Variants in DNAJC3 observed in about 807,000 individuals in gnomAD.
The protein encoded by DNAJC3 is DnaJ heat shock protein family (Hsp40) member C3, also known as dnaJ homolog subfamily C member 3.
In DNAJC3, 38 loss-of-function variants were observed where a neutral mutation model predicts 68.6. That is an observed-to-expected ratio of 0.55 (90% confidence interval 0.43 to 0.73). The LOEUF (loss-of-function observed/expected upper bound fraction) is 0.73, where lower values mean the gene tolerates loss of function less well. Ranked by LOEUF, DNAJC3 falls within the 30% of genes least tolerant of loss-of-function variation. DNAJC3 has a pLI of 0.00. For synonymous variants in DNAJC3, 203 were observed against 204.0 expected (o/e 1.00, Z 0.04); for missense variants, 526 against 591.9 (o/e 0.89, Z 1.16).
chr13:95,696,924 T>C (rs1400123544), intron 1 of DNAJC3, among the ~76,000 whole-genome samples: 1 of 152,188 alleles, frequency 6.6e-6, no homozygotes. Context: ...TTTTTGAATT[T>C]TTAGTAGAGA....
chr13:95,698,022 C>T (rs1270019743), intron 1 of DNAJC3, among the ~76,000 whole-genome samples: 2 of 151,906 alleles, frequency 1.3e-5, no homozygotes, highest in African/African-American at 4.8e-5. Context: ...TTTCATGGTA[C>T]CTGAATTCTT....
chr13:95,751,884 G>C (rs1882491234), intron 4 of DNAJC3, among the ~76,000 whole-genome samples: 1 of 152,186 alleles, frequency 6.6e-6, no homozygotes, highest in Non-Finnish European at 1.5e-5. Flanking sequence ...AAGAGAGCAT[G>C]TGCAGGTGAA....
At chr13:95,710,340 T>G (rs1880917235) in intron 2 of DNAJC3, among the ~76,000 whole-genome samples, 1 of 151,740 alleles carries the variant, frequency 6.6e-6, no homozygotes, top group Non-Finnish European at 1.5e-5. Context: ...CTCAGCCTCC[T>G]GAATAGCTGG....
intron 4 of DNAJC3, among the ~76,000 whole-genome samples, chr13:95,750,527 T>G (rs2139666526): frequency 6.6e-6 from 1 of 151,636 alleles, no homozygotes; most frequent in Middle Eastern, 3.4e-3. Context: ...TTTTTTTTTT[T>G]GAGATGGAGT....
chr13:95,690,667 AC>A (rs1224591046), intron 1 of DNAJC3, among the ~76,000 whole-genome samples: 1 of 126,484 alleles, frequency 7.9e-6, no homozygotes, highest in South Asian at 2.8e-4. Flanking sequence ...CGGGGGGCTG[AC>A]CCCCCCACCT....
At chr13:95,747,292 T>C (rs1882333383) in intron 4 of DNAJC3, among the ~76,000 whole-genome samples, 1 of 152,198 alleles carries the variant, frequency 6.6e-6, no homozygotes, top group Admixed American at 6.5e-5. Context: ...TTGAGTCCTC[T>C]GGGAACATAT....
intron 9 of DNAJC3, among the ~76,000 whole-genome samples, chr13:95,785,451 C>T (rs1307086070): frequency 7.9e-6 from 1 of 126,060 alleles, no homozygotes; most frequent in Non-Finnish European, 1.6e-5. Flanking sequence ...GCCTTTTAAA[C>T]CTTTTTTTTT....
intron 9 of DNAJC3, among the ~76,000 whole-genome samples, chr13:95,777,450 C>A (rs1883322802): frequency 6.6e-6 from 1 of 152,114 alleles, no homozygotes; most frequent in Non-Finnish European, 1.5e-5. Context: ...CTATTTGTTT[C>A]TTTTTCAGCT....
At chr13:95,765,445 T>A (rs944103797) in intron 9 of DNAJC3, among the ~76,000 whole-genome samples, 28 of 151,526 alleles carry the variant, frequency 1.8e-4, no homozygotes, top group African/African-American at 6.8e-4. Flanking sequence ...TGTAGAATGC[T>A]AAGTGTAATT....
In DNAJC3 at chr13:95,728,957, C is replaced by T. The variant is rs774360823; in HGVS notation, c.393+3705C>T. ...TCATCCCCGCCTCCCACTGACACAC[C>T]CTTTCCAGTCTCTAATGTCTATCAT... On this transcript the variant is annotated intron_variant, in intron 4 of 11. Transcript: ENST00000602402. 2.5e-4 allele frequency among the ~76,000 whole-genome samples: 38 copies of T among 152,000 alleles called. 1 individual carries two copies. In the Middle Eastern group the frequency reaches 0.024, roughly 95 times the overall value.
rs1297102751 is a variant in DNAJC3 at position 95,791,202 on chromosome 13, G to T, written c.*172G>T. On this transcript the variant is annotated 3_prime_UTR_variant, in exon 12 of 12. Coordinates refer to ENST00000602402, the MANE Select transcript of DNAJC3 (RefSeq NM_006260.5). ...TCCCTGTCAGATTTATGGTTAATGG[G>T]TTTGCAACGGCAAGGAGGCAAGGAA... 7.0e-6 allele frequency: 5 copies of T among 718,300 alleles called. No homozygotes were observed. The highest frequency in any genetic ancestry group is 1.9e-5 in the South Asian group (1 of 51,962). The allele number at this position is 718,300 out of a possible 1,614,324, so 44.5% of individuals were successfully genotyped here. A position where few individuals can be genotyped will look rare whatever the true frequency, so the allele number is the denominator to read the frequency against.
In DNAJC3 at chr13:95,791,537, A is replaced by ATCTT. The variant is rs1883774689; in HGVS notation, c.*509_*512dup. On this transcript the variant is annotated 3_prime_UTR_variant, in exon 12 of 12. Transcript: ENST00000602402. ...CTCGTCACTTGTGAGTAGCTGTGAA[A>ATCTT]TCTTTAGTGTGCATGTGTTTGCACC... The ATCTT allele has an allele frequency of 6.2e-6, 1 of 160,360 alleles. No homozygotes were observed. The highest frequency in any genetic ancestry group is 1.4e-5 in the Non-Finnish European group (1 of 73,196). 9.9% of individuals were successfully genotyped at this position (160,360 alleles called of 1,614,324 possible). A position where few individuals can be genotyped will look rare whatever the true frequency, so the allele number is the denominator to read the frequency against.
chr13:95,743,071 C>A, intron 4 of DNAJC3: 1 of 356,896 alleles, frequency 2.8e-6, no homozygotes, highest in South Asian at 2.2e-5. Flanking sequence ...GCACCTTATT[C>A]AAAAATCAGT....
intron 1 of DNAJC3, among the ~76,000 whole-genome samples, chr13:95,698,831 G>C (rs946645047): frequency 3.3e-5 from 5 of 152,200 alleles, no homozygotes; most frequent in African/African-American, 1.2e-4. Context: ...TTTTTTATAG[G>C]AGTATAAAGT....
At chr13:95,772,865 C>T (rs1031564843) in intron 9 of DNAJC3, among the ~76,000 whole-genome samples, 2 of 152,152 alleles carry the variant, frequency 1.3e-5, no homozygotes, top group Non-Finnish European at 2.9e-5. Flanking sequence ...TTAGATATTG[C>T]TGGATTTGAT....
intron 11 of DNAJC3, among the ~76,000 whole-genome samples, chr13:95,788,317 C>G (rs928529887): frequency 1.3e-5 from 2 of 152,306 alleles, no homozygotes; most frequent in Non-Finnish European, 2.9e-5. Context: ...GTGTATCAGA[C>G]TGGGAGTCAG....
chr13:95,762,247 A>G (rs1882846733), intron 7 of DNAJC3, among the ~76,000 whole-genome samples: 1 of 152,046 alleles, frequency 6.6e-6, no homozygotes, highest in South Asian at 2.1e-4. Context: ...GGGCAACAAG[A>G]GCGAAACTCC....
chr13:95,773,032 A>G (rs1260494483), intron 9 of DNAJC3, among the ~76,000 whole-genome samples: 2 of 151,886 alleles, frequency 1.3e-5, no homozygotes, highest in Non-Finnish European at 2.9e-5. Flanking sequence ...GAGTCATATA[A>G]GATTGGTGTC....
chr13:95,704,071 C>T (rs909455949), intron 1 of DNAJC3, among the ~76,000 whole-genome samples: 1 of 152,174 alleles, frequency 6.6e-6, no homozygotes, highest in Non-Finnish European at 1.5e-5. Flanking sequence ...AGTAGATTAA[C>T]CAATGTTTTT....
Sources: gnomAD v4.1 joint callset for allele counts (sites outside exome capture counted in the v4.1 genomes callset) on GRCh38, gnomAD v4.1.1 for gene constraint, MANE v1.5 for transcripts, NCBI Gene and HGNC (gene_info 2026-07-23, HGNC 2026-07-21) for gene names.